Variants in TYW1 observed in about 807,000 individuals in gnomAD.
TYW1 encodes tRNA-yW synthesizing protein 1 homolog.
A neutral mutation model predicts 96.2 loss-of-function variants in TYW1; 46 were observed. The ratio of observed to expected loss-of-function variants is 0.48; its 90% CI spans 0.38 to 0.61. The LOEUF is 0.61. TYW1 is among the 20% of genes least tolerant of loss of function. The pLI, the probability that TYW1 is intolerant of heterozygous loss-of-function variation, is 0.00. For missense variants in TYW1, 684 were observed against 909.6 expected (o/e 0.75, Z 3.19); for synonymous variants, 274 against 323.0 (o/e 0.85, Z 1.63).
chr7:67,003,872 A>G (rs983115961), intron 3 of TYW1, among the ~76,000 whole-genome samples: 2 of 151,674 alleles, frequency 1.3e-5, no homozygotes, highest in African/African-American at 4.8e-5. Flanking sequence ...GCAAAACCCC[A>G]TTTGTACTAA....
At chr7:67,068,554 T>C (rs1795941797) in intron 10 of TYW1, among the ~76,000 whole-genome samples, 1 of 152,236 alleles carries the variant, frequency 6.6e-6, no homozygotes, top group Admixed American at 6.5e-5. Context: ...CAGTCTCTTC[T>C]AGTACCCCAC....
intron 13 of TYW1, among the ~76,000 whole-genome samples, chr7:67,142,394 A>G (rs375132909): frequency 1.3e-5 from 2 of 151,900 alleles, no homozygotes; most frequent in African/African-American, 4.8e-5. Flanking sequence ...GTGAGCCACC[A>G]CATCCAGCCA....
intron 13 of TYW1, among the ~76,000 whole-genome samples, chr7:67,129,501 G>A (rs1309437604): frequency 6.6e-6 from 1 of 152,192 alleles, no homozygotes. Flanking sequence ...TTCTGCTCCT[G>A]TTAAGTTGTG....
chr7:67,000,592 C>G (rs1793351483), intron 3 of TYW1, among the ~76,000 whole-genome samples: 1 of 152,124 alleles, frequency 6.6e-6, no homozygotes. Flanking sequence ...AGGCACCGCT[C>G]CCAGCCAAAA....
chr7:67,191,600 A>G (rs1800220169), intron 14 of TYW1, among the ~76,000 whole-genome samples: 1 of 146,112 alleles, frequency 6.8e-6, no homozygotes, highest in Non-Finnish European at 1.5e-5. Flanking sequence ...CAGCTGTGAT[A>G]TGAAGGGAAA....
intron 10 of TYW1, among the ~76,000 whole-genome samples, chr7:67,072,264 T>TTG (rs1796051684): frequency 2.0e-5 from 3 of 150,322 alleles, no homozygotes; most frequent in South Asian, 2.1e-4. Context: ...TTTTTTTTTT[T>TTG]GAGACGGAGT....
At chr7:66,997,466 T>C (rs1793214416) in intron 1 of TYW1, among the ~76,000 whole-genome samples, 1 of 152,252 alleles carries the variant, frequency 6.6e-6, no homozygotes, top group Non-Finnish European at 1.5e-5. Context: ...ACAAAATTAA[T>C]TTCACATGAA....
At chr7:67,003,376 T>G (rs1793468315) in intron 3 of TYW1, among the ~76,000 whole-genome samples, 1 of 151,786 alleles carries the variant, frequency 6.6e-6, no homozygotes, top group Admixed American at 6.6e-5. Context: ...TCCAATCACT[T>G]CTTACCACCT....
At chr7:67,090,763 T>A (rs1307521541) in intron 11 of TYW1, among the ~76,000 whole-genome samples, 3 of 152,196 alleles carry the variant, frequency 2.0e-5, no homozygotes, top group Admixed American at 6.5e-5. Context: ...TGTTGAAATG[T>A]CCTGTGTCTC....
chr7:67,207,681 C>CTTTTTTTTTT (rs11286327), intron 15 of TYW1, among the ~76,000 whole-genome samples: 2 of 116,578 alleles, frequency 1.7e-5, no homozygotes, highest in Non-Finnish European at 3.6e-5. Context: ...TTTTGTTTGC[C>CTTTTTTTTTT]TTTTTTTTTT....
intron 13 of TYW1, among the ~76,000 whole-genome samples, chr7:67,138,655 T>C (rs955308498): frequency 2.6e-5 from 4 of 152,084 alleles, no homozygotes; most frequent in Admixed American, 6.6e-5. Context: ...CTGGTAACCA[T>C]CCTTCTACTG....
At chr7:67,133,251 C>G (rs1012278943) in intron 13 of TYW1, among the ~76,000 whole-genome samples, 10 of 137,150 alleles carry the variant, frequency 7.3e-5, no homozygotes, top group African/African-American at 3.1e-4. Flanking sequence ...ATCTTCCCAC[C>G]TCAGTCCCCC....
At chr7:67,025,323 G>A (rs1303940227) in intron 7 of TYW1, among the ~76,000 whole-genome samples, 2 of 151,644 alleles carry the variant, frequency 1.3e-5, no homozygotes, top group Non-Finnish European at 2.9e-5. Context: ...TAGAAAAAAT[G>A]TCTTGGGCTA....
intron 4 of TYW1, among the ~76,000 whole-genome samples, chr7:67,012,553 C>T (rs905008665): frequency 5.9e-5 from 9 of 152,142 alleles, no homozygotes; most frequent in African/African-American, 2.2e-4. Flanking sequence ...TTACTTATAA[C>T]TTACCTCATG....
chr7:67,066,002 TAC>T (rs778159395), intron 9 of TYW1, among the ~76,000 whole-genome samples: 15,402 of 92,808 alleles, frequency 0.17, 962 homozygotes, highest in East Asian at 0.32. Context: ...AGAGTGAGAC[TAC>T]ACACACACAC....
At chr7:67,143,834 A>G (rs1320237263) in intron 13 of TYW1, among the ~76,000 whole-genome samples, 1 of 152,362 alleles carries the variant, frequency 6.6e-6, no homozygotes, top group African/African-American at 2.4e-5. Context: ...TTCTAAAAAC[A>G]TTCAAGTAAT....
In TYW1 at chr7:66,997,545, TTC is replaced by T. The variant is rs1421936779; in HGVS notation, c.5-518_5-517del. ...TTCGAAGTGAAGATACAATTTTATA[TTC>T]TGTTTTTTCTTTGAGTTAGTGTTAA... On this transcript the variant is annotated intron_variant, in intron 1 of 15. Coordinates refer to ENST00000359626, the MANE Select transcript of TYW1 (RefSeq NM_018264.4). 5.3e-5 allele frequency among the ~76,000 whole-genome samples: 8 copies of T among 152,348 alleles called. No individual in the cohort carries two copies. The South Asian group carries it at 1.2e-3, about 24-fold the overall frequency.
chr7:67,052,365 T>A (rs1351188174), intron 8 of TYW1, among the ~76,000 whole-genome samples: 1 of 152,196 alleles, frequency 6.6e-6, no homozygotes, highest in African/African-American at 2.4e-5. Flanking sequence ...CTGTCTCACT[T>A]TTCATTTTGG....
chr7:67,043,423 G>C (rs978209220), intron 7 of TYW1, among the ~76,000 whole-genome samples: 3 of 149,848 alleles, frequency 2.0e-5, no homozygotes, highest in African/African-American at 7.4e-5. Flanking sequence ...CAATGTTCTG[G>C]CTAAGCAGAC....
Sources: gnomAD v4.1 joint callset for allele counts (sites outside exome capture counted in the v4.1 genomes callset) on GRCh38, gnomAD v4.1.1 for gene constraint, MANE v1.5 for transcripts, NCBI Gene and HGNC (gene_info 2026-07-23, HGNC 2026-07-21) for gene names.